The following LHFPL3 variants were observed in gnomAD, a reference collection of about 807,000 sequenced individuals.
The protein encoded by LHFPL3 is LHFPL tetraspan subfamily member 3 protein.
A neutral mutation model predicts 19.3 loss-of-function variants in LHFPL3; 5 were observed. The ratio of observed to expected loss-of-function variants is 0.26; its 90% CI spans 0.14 to 0.54. The LOEUF (loss-of-function observed/expected upper bound fraction) is 0.54, where lower values mean the gene tolerates loss of function less well. LHFPL3 is among the 20% of genes least tolerant of loss of function. The pLI, the probability that LHFPL3 is intolerant of heterozygous loss-of-function variation, is 0.94. For missense variants in LHFPL3, 249 were observed against 307.4 expected (o/e 0.81, Z 1.42); for synonymous variants, 133 against 126.2 (o/e 1.05, Z -0.36).
chr7:104,513,125 C>T (rs1031406942), intron 1 of LHFPL3, among the ~76,000 whole-genome samples: 1 of 152,146 alleles, frequency 6.6e-6, no homozygotes, highest in Non-Finnish European at 1.5e-5. Flanking sequence ...CCAAGCTGAC[C>T]TTCATCCACT....
chr7:104,348,801 C>G (rs1459327652), intron 1 of LHFPL3, among the ~76,000 whole-genome samples: 2 of 152,166 alleles, frequency 1.3e-5, no homozygotes, highest in African/African-American at 4.8e-5. Flanking sequence ...TAATTCAAGG[C>G]GCTAAACAGA....
At chr7:104,678,054 T>A (rs886894728) in intron 1 of LHFPL3, among the ~76,000 whole-genome samples, 1 of 152,146 alleles carries the variant, frequency 6.6e-6, no homozygotes, top group African/African-American at 2.4e-5. Flanking sequence ...CCCACTGAAT[T>A]TAGGATCCTC....
At chr7:104,452,290 T>A (rs1422721012) in intron 1 of LHFPL3, among the ~76,000 whole-genome samples, 2 of 152,216 alleles carry the variant, frequency 1.3e-5, no homozygotes, top group Non-Finnish European at 2.9e-5. Context: ...ACTGTATATG[T>A]ATATGGATGA....
chr7:104,670,103 A>C (rs1014300469), intron 1 of LHFPL3, among the ~76,000 whole-genome samples: 1 of 149,682 alleles, frequency 6.7e-6, no homozygotes, highest in Non-Finnish European at 1.5e-5. Flanking sequence ...CTCTTATTTA[A>C]TTCTGAGTTT....
rs1156240 is a variant in LHFPL3, at chr7:104,337,900, G to A, written c.445+8676G>A. On this transcript the variant is annotated intron_variant, in intron 1 of 2. Transcript: ENST00000424859. ...GGACAAAACATAGTATTGACCACTTGGTATGTTATAAAAACCTTCATAGAG... is the reference window on the plus strand; with the variant it reads ...GGACAAAACATAGTATTGACCACTTAGTATGTTATAAAAACCTTCATAGAG... Among the ~76,000 whole-genome samples, 1,207 of 152,048 alleles carry A rather than the reference G, an allele frequency of 7.9e-3. 82 individuals are homozygous for A. The East Asian group carries it at 0.17, about 22-fold the overall frequency.
chr7:104,542,862 T>C (rs1794513978), intron 1 of LHFPL3, among the ~76,000 whole-genome samples: 1 of 152,298 alleles, frequency 6.6e-6, no homozygotes, highest in South Asian at 2.1e-4. Flanking sequence ...CGTAAGTTTA[T>C]TGCAGCACTA....
intron 1 of LHFPL3, among the ~76,000 whole-genome samples, chr7:104,397,321 G>A (rs571102476): frequency 1.3e-4 from 19 of 151,956 alleles, no homozygotes; most frequent in Non-Finnish European, 2.4e-4. Flanking sequence ...TTATTTGTTT[G>A]GTTTCAGCAC....
At chr7:104,664,472 G>C (rs1308940658) in intron 1 of LHFPL3, among the ~76,000 whole-genome samples, 1 of 152,114 alleles carries the variant, frequency 6.6e-6, no homozygotes, top group Non-Finnish European at 1.5e-5. Flanking sequence ...CCTTTCCTCA[G>C]CATGATAACT....
chr7:104,668,622 G>T (rs1792407530), intron 1 of LHFPL3: 8 of 1,612,418 alleles, frequency 5.0e-6, no homozygotes, highest in Non-Finnish European at 6.8e-6. Context: ...AGAAGGCAGG[G>T]ACTGCTATGA....
chr7:104,738,359 T>G (rs1379721217), intron 2 of LHFPL3, among the ~76,000 whole-genome samples: 1 of 152,202 alleles, frequency 6.6e-6, no homozygotes, highest in Non-Finnish European at 1.5e-5. Context: ...CTCTGTCCAG[T>G]TAACTTTACT....
chr7:104,802,201 T>C (rs1402570398), intron 2 of LHFPL3, among the ~76,000 whole-genome samples: 1 of 152,022 alleles, frequency 6.6e-6, no homozygotes, highest in Admixed American at 6.5e-5. Flanking sequence ...AGTGCCCTTA[T>C]AAAAGATGTT....
intron 1 of LHFPL3, among the ~76,000 whole-genome samples, chr7:104,503,863 T>G (rs1584364543): frequency 6.6e-6 from 1 of 152,218 alleles, no homozygotes; most frequent in Non-Finnish European, 1.5e-5. Context: ...AGCCACCACA[T>G]GCAGCTGAAG....
At chr7:104,860,405 G>A (rs1216002920) in intron 2 of LHFPL3, among the ~76,000 whole-genome samples, 1 of 152,120 alleles carries the variant, frequency 6.6e-6, no homozygotes, top group East Asian at 1.9e-4. Context: ...GTTTATCAAA[G>A]GCTGATCAAG....
At chr7:104,892,436 G>A (rs1474481045) in intron 2 of LHFPL3, among the ~76,000 whole-genome samples, 1 of 152,020 alleles carries the variant, frequency 6.6e-6, no homozygotes, top group Non-Finnish European at 1.5e-5. Flanking sequence ...TAAATCGTAG[G>A]GCATGGTGGC....
chr7:104,868,772 A>G (rs1241959940), intron 2 of LHFPL3, among the ~76,000 whole-genome samples: 1 of 152,224 alleles, frequency 6.6e-6, no homozygotes, highest in East Asian at 1.9e-4. Flanking sequence ...TGCCAAGTCA[A>G]TCCTAACCCA....
chr7:104,844,675 T>C (rs1279460026), intron 2 of LHFPL3, among the ~76,000 whole-genome samples: 3 of 152,248 alleles, frequency 2.0e-5, no homozygotes, highest in African/African-American at 7.2e-5. Flanking sequence ...GTCTAACTCT[T>C]AGATAATGCT....
chr7:104,721,830 G>A (rs2116249768), intron 1 of LHFPL3, among the ~76,000 whole-genome samples: 1 of 152,298 alleles, frequency 6.6e-6, no homozygotes, highest in East Asian at 1.9e-4. Context: ...AGAATCAAAT[G>A]AGATGATGCC....
intron 1 of LHFPL3, among the ~76,000 whole-genome samples, chr7:104,514,503 T>C (rs970089069): frequency 1.4e-4 from 22 of 152,318 alleles, no homozygotes; most frequent in African/African-American, 5.3e-4. Flanking sequence ...AATAATTTGT[T>C]GCCTGAATGA....
At chr7:104,501,658 C>G (rs1442424646) in intron 1 of LHFPL3, among the ~76,000 whole-genome samples, 2 of 152,228 alleles carry the variant, frequency 1.3e-5, no homozygotes, top group East Asian at 1.9e-4. Context: ...CATAAACTAC[C>G]CTGAATTGAA....
Sources: allele counts gnomAD v4.1 joint callset (sites outside exome capture counted in the v4.1 genomes callset), GRCh38; gene constraint gnomAD v4.1.1; transcripts MANE v1.5; gene names NCBI Gene and HGNC (gene_info 2026-07-23, HGNC 2026-07-21).